Variants in ARHGAP39 observed in about 807,000 individuals in gnomAD.
ARHGAP39 encodes rho GTPase-activating protein 39.
Under a neutral mutation model 106.9 loss-of-function variants are expected in ARHGAP39, and 44 were observed. That is an observed-to-expected ratio of 0.41 (90% CI 0.32 to 0.53). The LOEUF is 0.53. Among genes scored for constraint, ARHGAP39 ranks in the 20% least tolerant of loss-of-function variants. ARHGAP39 has a pLI of 0.21. For synonymous variants in ARHGAP39, 768 were observed against 693.2 expected (o/e 1.11, Z -1.69); for missense variants, 1,496 against 1,577.3 (o/e 0.95, Z 0.87).
chr8:144,695,979 G>T, the ARHGAP39 span, among the ~76,000 whole-genome samples: 4 of 152,250 alleles, frequency 2.6e-5, no homozygotes, highest in East Asian at 7.7e-4. Flanking sequence ...CTTAGCTAAG[G>T]GAGAGTCAAT....
chr8:144,628,719 G>A (rs1229452589), intron 1 of ARHGAP39, among the ~76,000 whole-genome samples: 3 of 152,136 alleles, frequency 2.0e-5, no homozygotes, highest in African/African-American at 7.2e-5. Flanking sequence ...ATAACCCATG[G>A]GCCAAAGAAC....
chr8:144,605,854 C>A, intron 1 of ARHGAP39, 159 bp from the exon 2 acceptor site: 1 of 558,698 alleles, frequency 1.8e-6, no homozygotes, highest in East Asian at 3.0e-5. Context: ...CCTCAGTGCT[C>A]CTGATGCCTG....
chr8:144,655,762 C>T (rs201344932), intron 1 of ARHGAP39, among the ~76,000 whole-genome samples: 6 of 152,122 alleles, frequency 3.9e-5, no homozygotes, highest in East Asian at 3.8e-4. Context: ...TGGGCAAAGG[C>T]GCCACTAGCC....
chr8:144,584,622 G>C (rs1819114432), intron 2 of ARHGAP39, among the ~76,000 whole-genome samples: 1 of 152,156 alleles, frequency 6.6e-6, no homozygotes, highest in Admixed American at 6.5e-5. Context: ...AATTAGCCAG[G>C]TGTGGTGGCG....
At chr8:144,676,416 G>A (rs764425126) in intron 1 of ARHGAP39, among the ~76,000 whole-genome samples, 14 of 141,446 alleles carry the variant, frequency 9.9e-5, no homozygotes, top group South Asian at 4.2e-4. Context: ...AGCTAGACAC[G>A]GGTGCTGCTG....
intron 3 of ARHGAP39, among the ~76,000 whole-genome samples, chr8:144,579,634 C>T (rs941805762): frequency 3.3e-5 from 5 of 152,128 alleles, no homozygotes; most frequent in African/African-American, 9.7e-5. Flanking sequence ...ACCTGCTGCC[C>T]GCCTCCCTCT....
At chr8:144,532,947 T>C (rs2721180) in intron 9 of ARHGAP39, among the ~76,000 whole-genome samples, 179 bp downstream of exon 9, 10,927 of 152,302 alleles carry the variant, frequency 0.072, 1,254 homozygotes, top group African/African-American at 0.24. Flanking sequence ...CCCTCTCTCC[T>C]GGCCTGCACA....
chr8:144,557,389 T>C lies in ARHGAP39; in HGVS notation c.513-1746A>G, dbSNP rs113914091. On this transcript the variant is annotated intron_variant, in intron 3 of 11. Transcript: ENST00000377307. ...AAGGCTGAACCTTCATAGTATTCAG[T>C]GGCAAAAGGCTGAACCTTCGTAGTA... 1.1e-3 allele frequency among the ~76,000 whole-genome samples: 106 copies of C among 96,458 alleles called. 2 individuals are homozygous for C. The highest frequency in any genetic ancestry group is 4.6e-3 in the African/African-American group (81 of 17,750). 63.3% of individuals were successfully genotyped at this position (96,458 alleles called of 152,430 possible). A position where few individuals can be genotyped will look rare whatever the true frequency, so the allele number is the denominator to read the frequency against.
At chr8:144,676,089 C>A (rs749779918) in intron 1 of ARHGAP39, among the ~76,000 whole-genome samples, 1 of 152,202 alleles carries the variant, frequency 6.6e-6, no homozygotes, top group East Asian at 1.9e-4. Context: ...TGAGCACCAG[C>A]AAGATTTAGT....
chr8:144,650,313 A>C (rs570869004), intron 1 of ARHGAP39, among the ~76,000 whole-genome samples: 2 of 152,266 alleles, frequency 1.3e-5, no homozygotes, highest in South Asian at 4.1e-4. Flanking sequence ...GCCAAATTCT[A>C]CCCGATGTAC....
intron 1 of ARHGAP39, among the ~76,000 whole-genome samples, chr8:144,673,471 T>G (rs1445041948): frequency 6.6e-6 from 1 of 152,260 alleles, no homozygotes; most frequent in African/African-American, 2.4e-5. Context: ...CACAGATATG[T>G]GCAACCTTCA....
Position 144,545,439 on chromosome 8 carries a change from C to T in ARHGAP39, c.2331G>A (p.Val777=). ...TGTAGAGCTCGTCCCGCAGGCCCTG[C>T]ACGCTCCAGCCCTTGGTGGCCACCT... ...ALEVATKGWS[V]QGLRDELYIQ... Residue 777 remains valine (V), a synonymous_variant, in exon 6 of 12, where the codon GTG becomes GTA. Transcript: ENST00000377307. 2 of 1,591,676 alleles carry T rather than the reference C, an allele frequency of 1.3e-6. No homozygotes were observed. Among genetic ancestry groups the T allele is most frequent in the African/African-American group, 1.3e-5 (1 of 74,694 alleles).
At chr8:144,530,964 TGGG>T in intron 10 of ARHGAP39, 93 bp from the exon 11 acceptor site, 2 of 1,452,884 alleles carry the variant, frequency 1.4e-6, no homozygotes, top group African/African-American at 2.8e-5. Context: ...AGGGGTGCTG[TGGG>T]GGACAGGCTG....
intron 1 of ARHGAP39, among the ~76,000 whole-genome samples, chr8:144,619,923 C>T (rs557257627): frequency 5.1e-4 from 47 of 92,638 alleles, no homozygotes; most frequent in South Asian, 5.0e-3. Context: ...TGCCCGTGTG[C>T]GTGTGAGCCT....
intron 3 of ARHGAP39, among the ~76,000 whole-genome samples, chr8:144,560,729 C>G (rs1291183443): frequency 6.6e-6 from 1 of 152,158 alleles, no homozygotes; most frequent in Non-Finnish European, 1.5e-5. Flanking sequence ...AGATGAATAT[C>G]ATGTTCCTGA....
At position 144,670,024 on chromosome 8, in the gene ARHGAP39, A is replaced by G. The variant is rs557163542; in HGVS notation, c.-82+15662T>C. ...AACTACACAAATATTCATAATAGTC[A>G]AATATGGAAACAACTCAAAATGCCC... is the stretch of plus-strand genomic sequence containing the variant. On this transcript the variant is annotated intron_variant, in intron 1 of 11. Coordinates refer to ENST00000377307, the MANE Select transcript of ARHGAP39 (RefSeq NM_025251.3). The surrounding 1 kb of genome is among the most constrained non-coding windows in gnomAD (Gnocchi z 4.4). Among the ~76,000 whole-genome samples the G allele has an allele frequency of 1.3e-5, 2 of 152,252 alleles. No homozygotes were observed. The highest frequency in any genetic ancestry group is 2.9e-5 in the Non-Finnish European group (2 of 68,042).
chr8:144,635,326 C>T (rs1422033448), intron 1 of ARHGAP39, among the ~76,000 whole-genome samples: 2 of 152,138 alleles, frequency 1.3e-5, no homozygotes, highest in Admixed American at 1.3e-4. Flanking sequence ...TATGTAATGA[C>T]GCTTCCATAA....
At chr8:144,624,239 G>A (rs992582488) in intron 1 of ARHGAP39, among the ~76,000 whole-genome samples, 2 of 152,202 alleles carry the variant, frequency 1.3e-5, no homozygotes, top group East Asian at 1.9e-4. Flanking sequence ...CATGACGAGC[G>A]CCCTTTGCAC....
rs1348740864 is a variant in ARHGAP39 at position 144,581,009 on chromosome 8, G to A, written c.349C>T (p.Arg117Cys). The A allele has an allele frequency of 6.3e-6, 10 of 1,590,980 alleles. No individual in the cohort carries two copies. The highest frequency in any genetic ancestry group is 8.6e-6 in the Non-Finnish European group (10 of 1,169,280). Residue 117 changes from arginine (R) to cysteine (C), a missense_variant, in exon 3 of 12, where the codon CGC becomes TGC. By Grantham distance (180) the Arg-to-Cys change is radical (BLOSUM62 -3). This residue lies in a region of ARHGAP39 where 905 missense variants were observed against 816.4 expected (regional missense o/e 1.11). Coordinates refer to ENST00000377307, the MANE Select transcript of ARHGAP39 (RefSeq NM_025251.3). ...QTLKQNTESP[R>C]ASAESSPGRG... ...CCGGGGCTGCTCTCCGCCGAGGCGC[G>A]CGGGGACTCCGTGTTCTGCTTCAGC...
Sources: gnomAD v4.1 joint callset for allele counts (sites outside exome capture counted in the v4.1 genomes callset) on GRCh38, gnomAD v4.1.1 for gene constraint, gnomAD v4.1.1 regional missense constraint, Gnocchi (gnomAD v3.1) non-coding constraint, MANE v1.5 for transcripts, NCBI Gene and HGNC (gene_info 2026-07-23, HGNC 2026-07-21) for gene names.